Variants in CA8 observed in about 807,000 individuals in gnomAD.
The protein encoded by CA8 is carbonic anhydrase 8 (inactive), also known as carbonic anhydrase-related protein.
Under a neutral mutation model 41.4 loss-of-function variants are expected in CA8, and 22 were observed. That is an observed-to-expected ratio of 0.53 (90% confidence interval 0.38 to 0.76). The LOEUF (loss-of-function observed/expected upper bound fraction) is 0.76. Among genes scored for constraint, CA8 ranks in the 30% least tolerant of loss-of-function variants. The pLI is 0.00. For missense variants in CA8, 270 were observed against 352.8 expected (o/e 0.77, Z 1.88); for synonymous variants, 121 against 130.6 (o/e 0.93, Z 0.50).
intron 6 of CA8, 146 bp from the exon 7 acceptor site, chr8:60,222,907 T>G: frequency 1.5e-6 from 1 of 689,214 alleles, no homozygotes; most frequent in South Asian, 1.6e-5. Context: ...CCCACAGTCT[T>G]ACACTACTCA....
intron 3 of CA8, chr8:60,265,477 C>G (rs1803872146): frequency 6.3e-6 from 1 of 157,954 alleles, no homozygotes; most frequent in East Asian, 1.9e-4. Flanking sequence ...AAAAATCTCT[C>G]TTTCTCCCTC....
At chr8:60,277,772 G>T (rs1401859420) in intron 2 of CA8, among the ~76,000 whole-genome samples, 1 of 152,126 alleles carries the variant, frequency 6.6e-6, no homozygotes, top group African/African-American at 2.4e-5. Context: ...AATATCCTAG[G>T]GGAAAAAACA....
intron 8 of CA8, among the ~76,000 whole-genome samples, chr8:60,197,458 T>C (rs944663439): frequency 6.6e-6 from 1 of 152,184 alleles, no homozygotes; most frequent in Non-Finnish European, 1.5e-5. Flanking sequence ...AGCACTTTAA[T>C]TGCATTATCT....
chr8:60,216,997 C>T (rs1209110134), intron 7 of CA8, among the ~76,000 whole-genome samples: 4 of 152,164 alleles, frequency 2.6e-5, no homozygotes, highest in Admixed American at 6.5e-5. Context: ...GATTCTCCTG[C>T]CTCAGCCTCC....
At chr8:60,272,106 G>A (rs1172440081) in intron 2 of CA8, among the ~76,000 whole-genome samples, 2 of 152,108 alleles carry the variant, frequency 1.3e-5, no homozygotes, top group Non-Finnish European at 2.9e-5. Flanking sequence ...GTAGAATAGT[G>A]ACAGGATCTG....
At chr8:60,275,451 G>C (rs1416909983) in intron 2 of CA8, among the ~76,000 whole-genome samples, 1 of 150,678 alleles carries the variant, frequency 6.6e-6, no homozygotes, top group African/African-American at 2.5e-5. Context: ...ATAAATACTG[G>C]ATGTTGTATT....
intron 3 of CA8, among the ~76,000 whole-genome samples, chr8:60,257,779 A>G (rs1808693296): frequency 6.6e-6 from 1 of 152,228 alleles, no homozygotes; most frequent in African/African-American, 2.4e-5. Flanking sequence ...AGTAGTTGAT[A>G]AATATTTTGT....
intron 7 of CA8, among the ~76,000 whole-genome samples, chr8:60,212,740 T>C (rs560171148): frequency 1.3e-5 from 2 of 152,340 alleles, no homozygotes; most frequent in East Asian, 1.9e-4. Context: ...GTACCTATAG[T>C]TAACAATACT....
At chr8:60,198,504 C>T (rs1806340148) in intron 8 of CA8, among the ~76,000 whole-genome samples, 1 of 152,140 alleles carries the variant, frequency 6.6e-6, no homozygotes, top group African/African-American at 2.4e-5. Context: ...ACACTTTCTC[C>T]ATCTCAATTA....
At chr8:60,224,650 CTAT>C in intron 5 of CA8, 65 bp from the exon 6 acceptor site, 2 of 1,008,814 alleles carry the variant, frequency 2.0e-6, no homozygotes, top group Non-Finnish European at 1.6e-6. Context: ...AATAAAAAAT[CTAT>C]TAGAACTAAA....
intron 3 of CA8, 51 bp downstream of exon 3, chr8:60,265,874 A>G: frequency 1.3e-6 from 2 of 1,585,722 alleles, no homozygotes; most frequent in South Asian, 2.2e-5. Flanking sequence ...TAAATCGCTG[A>G]ATACTTTATT....
chr8:60,202,975 T>A (rs551277510), intron 8 of CA8, among the ~76,000 whole-genome samples: 1 of 152,222 alleles, frequency 6.6e-6, no homozygotes. Flanking sequence ...ATTTATAGTC[T>A]CGTGGAGTAA....
intron 7 of CA8, among the ~76,000 whole-genome samples, chr8:60,217,388 C>T (rs1807058364): frequency 6.6e-6 from 1 of 152,110 alleles, no homozygotes; most frequent in Non-Finnish European, 1.5e-5. Flanking sequence ...GTAATCTCTC[C>T]ACTCCTTCTT....
intron 2 of CA8, among the ~76,000 whole-genome samples, chr8:60,267,880 A>G (rs755120118): frequency 5.9e-5 from 9 of 152,166 alleles, no homozygotes; most frequent in Non-Finnish European, 1.2e-4. Context: ...CCACAGTGCA[A>G]GCTCACTTCA....
At chr8:60,193,913 T>C (rs909860327) in intron 8 of CA8, among the ~76,000 whole-genome samples, 4 of 152,212 alleles carry the variant, frequency 2.6e-5, no homozygotes, top group African/African-American at 9.6e-5. Flanking sequence ...TCTAGCTTAT[T>C]ACGTGGACGA....
intron 8 of CA8, among the ~76,000 whole-genome samples, chr8:60,191,076 T>C (rs983759017): frequency 6.6e-6 from 1 of 151,658 alleles, no homozygotes; most frequent in Non-Finnish European, 1.5e-5. Flanking sequence ...ATTTCCAAAC[T>C]ATATATTTTT....
chr8:60,263,264 G>C (rs1803791160), intron 3 of CA8, among the ~76,000 whole-genome samples: 1 of 150,036 alleles, frequency 6.7e-6, no homozygotes, highest in African/African-American at 2.5e-5. Context: ...GGAAGCTGCA[G>C]AGAGCCGAGA....
intron 2 of CA8, among the ~76,000 whole-genome samples, chr8:60,268,699 T>G (rs1016023165): frequency 6.6e-6 from 1 of 152,212 alleles, no homozygotes; most frequent in African/African-American, 2.4e-5. Context: ...ATTAAGTATT[T>G]AGAATACATT....
At chr8:60,237,469 C>T (rs1229785944) in intron 3 of CA8, among the ~76,000 whole-genome samples, 3 of 152,148 alleles carry the variant, frequency 2.0e-5, no homozygotes, top group South Asian at 4.1e-4. Flanking sequence ...AAGGGTCGGC[C>T]GCATTAGCAC....
Sources: allele counts gnomAD v4.1 joint callset (sites outside exome capture counted in the v4.1 genomes callset), GRCh38; gene constraint gnomAD v4.1.1; transcripts MANE v1.5; gene names NCBI Gene and HGNC (gene_info 2026-07-23, HGNC 2026-07-21).